Variants in DENND1A observed in about 807,000 individuals in gnomAD.
DENND1A encodes the protein DENN domain containing 1A, also known as DENN domain-containing protein 1A.
In DENND1A, 51 loss-of-function variants were observed where a neutral mutation model predicts 113.7. That is an observed-to-expected ratio of 0.45 (90% CI 0.36 to 0.57). The LOEUF is 0.57. DENND1A is among the 20% of genes least tolerant of loss of function. The pLI, the probability that DENND1A is intolerant of heterozygous loss-of-function variation, is 0.00. For missense variants in DENND1A, 1,258 were observed against 1,395.9 expected (o/e 0.90, Z 1.57); for synonymous variants, 565 against 570.8 (o/e 0.99, Z 0.14).
intron 6 of DENND1A, among the ~76,000 whole-genome samples, chr9:123,675,927 T>C (rs1235845634): frequency 6.6e-6 from 1 of 152,210 alleles, no homozygotes; most frequent in African/African-American, 2.4e-5. Flanking sequence ...CCCTCATAGA[T>C]GCGAATGGTT....
At chr9:123,830,873 G>GAAAAAAAAAAAAAAAAA (rs71390447) in intron 2 of DENND1A, among the ~76,000 whole-genome samples, 3 of 39,310 alleles carry the variant, frequency 7.6e-5, no homozygotes, top group African/African-American at 1.8e-4. Flanking sequence ...TCTCAAAAAT[G>GAAAAAAAAAAAAAAAAA]AAAAAAAAAA....
intron 13 of DENND1A, among the ~76,000 whole-genome samples, chr9:123,548,015 G>GT (rs2056813802): frequency 6.6e-6 from 1 of 152,202 alleles, no homozygotes; most frequent in Admixed American, 6.5e-5. Context: ...CATGAGAAAA[G>GT]TGAGTCTCAG....
chr9:123,399,790 G>A (rs1025663676), intron 21 of DENND1A, among the ~76,000 whole-genome samples: 2 of 152,228 alleles, frequency 1.3e-5, no homozygotes, highest in Non-Finnish European at 2.9e-5. Flanking sequence ...CCCGTTCCAA[G>A]GACAGCATCA....
chr9:123,524,844 G>C (rs1311989808), intron 13 of DENND1A, among the ~76,000 whole-genome samples: 2 of 152,178 alleles, frequency 1.3e-5, no homozygotes, highest in African/African-American at 4.8e-5. Flanking sequence ...TACAGCAACT[G>C]GGGAATATAA....
chr9:123,706,717 G>A (rs1274837200), intron 5 of DENND1A, among the ~76,000 whole-genome samples: 2 of 140,102 alleles, frequency 1.4e-5, no homozygotes, highest in Non-Finnish European at 3.0e-5. Context: ...CTTGCAGTGA[G>A]CCGAGATCAC....
At chr9:123,714,461 G>T (rs1282030012) in intron 5 of DENND1A, among the ~76,000 whole-genome samples, 1 of 152,086 alleles carries the variant, frequency 6.6e-6, no homozygotes, top group Non-Finnish European at 1.5e-5. Context: ...AATTAGCCGG[G>T]TGTGGTGGTG....
At chr9:123,591,662 T>A (rs2059461174) in intron 11 of DENND1A, among the ~76,000 whole-genome samples, 1 of 152,130 alleles carries the variant, frequency 6.6e-6, no homozygotes, top group African/African-American at 2.4e-5. Flanking sequence ...TCCAGCACAG[T>A]GCCTGACACA....
intron 12 of DENND1A, among the ~76,000 whole-genome samples, chr9:123,579,965 T>C (rs1327860719): frequency 6.6e-6 from 1 of 152,194 alleles, no homozygotes; most frequent in Non-Finnish European, 1.5e-5. Context: ...CCAGCTTGCA[T>C]ATAGGAGGTC....
intron 5 of DENND1A, among the ~76,000 whole-genome samples, chr9:123,707,979 T>C (rs2066338720): frequency 1.3e-5 from 2 of 152,142 alleles, no homozygotes; most frequent in African/African-American, 2.4e-5. Flanking sequence ...AGTGCATGGA[T>C]GCATGGTTTT....
intron 19 of DENND1A, among the ~76,000 whole-genome samples, chr9:123,425,137 A>T (rs1395303472): frequency 6.6e-6 from 1 of 152,134 alleles, no homozygotes; most frequent in Non-Finnish European, 1.5e-5. Flanking sequence ...ATTTATTTTC[A>T]ATATTTTATG....
chr9:123,793,345 A>G (rs1355574283), intron 2 of DENND1A, among the ~76,000 whole-genome samples: 3 of 152,170 alleles, frequency 2.0e-5, no homozygotes, highest in African/African-American at 7.2e-5. Context: ...CTTAAATCAT[A>G]AGCAAGATGA....
At chr9:123,511,858 G>A (rs2053488487) in intron 13 of DENND1A, among the ~76,000 whole-genome samples, 1 of 152,224 alleles carries the variant, frequency 6.6e-6, no homozygotes, top group African/African-American at 2.4e-5. Context: ...TGCAGGGATT[G>A]TCTGTGGTCC....
intron 13 of DENND1A, among the ~76,000 whole-genome samples, chr9:123,536,988 A>C (rs138922308): frequency 6.6e-6 from 1 of 152,344 alleles, no homozygotes; most frequent in African/African-American, 2.4e-5. Flanking sequence ...CAAATCCCAC[A>C]TAAGGTTATT....
At chr9:123,414,431 G>C (rs2044557331) in intron 19 of DENND1A, 3 of 1,462,520 alleles carry the variant, frequency 2.1e-6, no homozygotes, top group Middle Eastern at 2.0e-4. Flanking sequence ...CTTGGCAGAT[G>C]AAATCATCTC....
intron 19 of DENND1A, among the ~76,000 whole-genome samples, chr9:123,415,580 C>A (rs556533859): frequency 6.6e-6 from 1 of 152,198 alleles, no homozygotes; most frequent in Non-Finnish European, 1.5e-5. Context: ...CCGTGGGAAG[C>A]AGTCTCAGAT....
At chr9:123,830,873 G>T (rs75397964) in intron 2 of DENND1A, among the ~76,000 whole-genome samples, 1 of 39,316 alleles carries the variant, frequency 2.5e-5, no homozygotes, top group Non-Finnish European at 4.5e-5. Context: ...TCTCAAAAAT[G>T]AAAAAAAAAA....
In DENND1A at chr9:123,655,341, T is replaced by C. The variant is rs527971352; in HGVS notation, c.508-3218A>G. Among the ~76,000 whole-genome samples, 8 of 152,228 alleles carry C rather than the reference T, an allele frequency of 5.3e-5. No individual in the cohort carries two copies. The South Asian group carries it at 1.7e-3, about 32-fold the overall frequency. On this transcript the variant is annotated intron_variant, in intron 8 of 23. Coordinates refer to ENST00000394215, the MANE Select transcript of DENND1A (RefSeq NM_001352964.2). ...AGGAAGCAATGGCTGAGGGTGCTGG[T>C]CCCTCACTCAGGCGAGAACAGTGCA... is the stretch of plus-strand genomic sequence containing the variant.
chr9:123,740,192 A>G (rs963239483), intron 5 of DENND1A, among the ~76,000 whole-genome samples: 6 of 152,234 alleles, frequency 3.9e-5, no homozygotes, highest in Non-Finnish European at 5.9e-5. Flanking sequence ...AAATAAAAAA[A>G]AAATCCTGTG....
intron 10 of DENND1A, among the ~76,000 whole-genome samples, chr9:123,629,897 T>C (rs767854138): frequency 1.5e-4 from 23 of 152,154 alleles, no homozygotes; most frequent in African/African-American, 4.3e-4. Context: ...TTTTGGTGCA[T>C]TGCTTCCCCC....
Sources: allele counts gnomAD v4.1 joint callset (sites outside exome capture counted in the v4.1 genomes callset), GRCh38; gene constraint gnomAD v4.1.1; transcripts MANE v1.5; gene names NCBI Gene and HGNC (gene_info 2026-07-23, HGNC 2026-07-21).